Variants in AGR3 observed in about 807,000 individuals in gnomAD.
AGR3 encodes anterior gradient protein 3.
In AGR3, 37 loss-of-function variants were observed where a neutral mutation model predicts 24.5. The observed-to-expected ratio is 1.51, with a 90% confidence interval of 1.16 to 1.99. The LOEUF is 1.99. Among genes scored for constraint, AGR3 ranks in the 30% most tolerant of loss-of-function variants. AGR3 has a pLI of 0.00. For synonymous variants in AGR3, 75 were observed against 61.6 expected, an observed-to-expected ratio of 1.22 and a Z score of -1.02; for missense variants, 228 against 191.1, an observed-to-expected ratio of 1.19 and a Z score of -1.14.
downstream of AGR3, among the ~76,000 whole-genome samples, chr7:16,856,796 TACACATACACAC>T (rs1032086162): frequency 1.1e-4 from 17 of 151,366 alleles, no homozygotes; most frequent in Admixed American, 7.3e-4. Flanking sequence ...AGTAAAATTA[TACACATACACAC>T]ACACATACAC....
At chr7:16,880,174 CTT>C (rs148378416) in intron 1 of AGR3, among the ~76,000 whole-genome samples, 59 of 116,346 alleles carry the variant, frequency 5.1e-4, no homozygotes, top group Middle Eastern at 4.1e-3. Context: ...TCCTTTCTTT[CTT>C]TTTTTTTTTT....
At position 16,878,579 on chromosome 7, in the gene AGR3, C is replaced by T. The variant is rs766905573; in HGVS notation, c.40G>A (p.Val14Ile). Residue 14 changes from valine (V) to isoleucine (I), a missense_variant, in exon 2 of 8, where the codon GTC becomes ATC. Physicochemically the swap from Val to Ile is conservative, Grantham distance 29. Transcript: ENST00000310398. ...HSALGLCLLL[V>I]TVSSNLAIAI... ...ATGGCAAGGTTGGAAGAAACTGTGA[C>T]GAGTAAGAGGCAGAGACCCAAAGCT... 5.0e-6 allele frequency: 8 copies of T among 1,614,064 alleles called. 1 individual carries two copies. Among genetic ancestry groups the T allele is most frequent in the South Asian group, 2.2e-5 (2 of 91,080 alleles).
At chr7:16,862,470 A>C (rs1031608957) in intron 4 of AGR3, 140 bp downstream of exon 4, 3 of 467,932 alleles carry the variant, frequency 6.4e-6, no homozygotes, top group African/African-American at 2.0e-5. Flanking sequence ...ACCTTAGTAA[A>C]ATGATGGTAC....
downstream of AGR3, among the ~76,000 whole-genome samples, chr7:16,858,516 C>T (rs987212203): frequency 6.6e-6 from 1 of 152,024 alleles, no homozygotes; most frequent in African/African-American, 2.4e-5. Flanking sequence ...CTTCATTTTT[C>T]CTGAAGTAGT....
At chr7:16,880,174 C>CTTT (rs148378416) in intron 1 of AGR3, among the ~76,000 whole-genome samples, 2 of 116,448 alleles carry the variant, frequency 1.7e-5, no homozygotes, top group African/African-American at 3.2e-5. Flanking sequence ...TCCTTTCTTT[C>CTTT]TTTTTTTTTT....
downstream of AGR3, among the ~76,000 whole-genome samples, chr7:16,857,144 G>A (rs1781564800): frequency 6.6e-6 from 1 of 151,898 alleles, no homozygotes; most frequent in African/African-American, 2.4e-5. Context: ...ACCCAGCGAG[G>A]ATTATAGAGT....
intron 2 of AGR3, among the ~76,000 whole-genome samples, chr7:16,876,995 A>T (rs992247181): frequency 6.6e-6 from 1 of 152,030 alleles, no homozygotes; most frequent in Non-Finnish European, 1.5e-5. Context: ...AGAGAGATAG[A>T]GTTATGTTTA....
chr7:16,878,455 T>C, intron 2 of AGR3, 55 bp downstream of exon 2: 1 of 1,501,400 alleles, frequency 6.7e-7, no homozygotes, highest in Non-Finnish European at 9.2e-7. Context: ...ACACCAGATA[T>C]TTTAAAAAGC....
rs1781598291 is a variant in AGR3 at position 16,859,424 on chromosome 7, A to G, written c.*158T>C. The stretch of plus-strand genomic sequence containing the variant: ...TATATTGTCAGTCTCAGATTTAAAA[A>G]ACATTTATTTTAATAAGACTATTGC... On this transcript the variant is annotated 3_prime_UTR_variant, in exon 8 of 8. Transcript: ENST00000310398. 3 of 573,232 alleles carry G rather than the reference A, an allele frequency of 5.2e-6. No individual in the cohort carries two copies. The allele number at this position is 573,232 out of a possible 1,614,324, so 35.5% of individuals were successfully genotyped here. A position where few individuals can be genotyped will look rare whatever the true frequency, so the allele number is the denominator to read the frequency against.
downstream of AGR3, among the ~76,000 whole-genome samples, chr7:16,856,327 G>A (rs1055259545): frequency 6.6e-6 from 1 of 152,056 alleles, no homozygotes; most frequent in Non-Finnish European, 1.5e-5. Context: ...TGCTATTTTA[G>A]GAAAACAAAT....
chr7:16,867,909 A>C (rs1234302219), intron 3 of AGR3, among the ~76,000 whole-genome samples: 2 of 152,118 alleles, frequency 1.3e-5, no homozygotes, highest in Non-Finnish European at 2.9e-5. Context: ...TGGTAGTTCT[A>C]TTTTTAATTT....
In AGR3 at chr7:16,862,621, T is replaced by C; in HGVS notation, c.215A>G (p.Gln72Arg). Reference protein sequence around the residue: ...LMVIHHLEDCQYSQALKKVFA... With the variant: ...LMVIHHLEDCRYSQALKKVFA... ...GGGGCTAAAATTACCTTGAGAGTAT[T>C]GACAATCCTCCAGGTGATGAATAAC... The change falls in exon 4 of 8, where the codon CAA (glutamine) becomes CGA (arginine). Residue 72 changes from glutamine to arginine, a missense_variant. Gln to Arg is a conservative substitution (Grantham distance 43). Transcript: ENST00000310398. 1 of 1,535,126 alleles carries C rather than the reference T, an allele frequency of 6.5e-7. No individual in the cohort carries two copies. Among genetic ancestry groups the C allele is most frequent in the Non-Finnish European group, 8.7e-7 (1 of 1,147,926 alleles).
chr7:16,868,443 C>T (rs1286384184), intron 3 of AGR3, among the ~76,000 whole-genome samples: 6 of 152,200 alleles, frequency 3.9e-5, no homozygotes, highest in South Asian at 2.1e-4. Flanking sequence ...GTATGAGCCA[C>T]GGCGCCCAGC....
At chr7:16,879,422 G>T (rs375207402) in intron 1 of AGR3, among the ~76,000 whole-genome samples, 1 of 152,198 alleles carries the variant, frequency 6.6e-6, no homozygotes. Context: ...AGTTGGGCCT[G>T]ATCTGGTCAT....
chr7:16,876,551 A>G (rs565016686), intron 2 of AGR3, among the ~76,000 whole-genome samples: 2 of 152,032 alleles, frequency 1.3e-5, no homozygotes, highest in Admixed American at 6.6e-5. Flanking sequence ...GCCACTCTTT[A>G]TACTGTATCC....
At chr7:16,862,583 T>C in intron 4 of AGR3, 27 bp downstream of exon 4, 3 of 1,409,290 alleles carry the variant, frequency 2.1e-6, no homozygotes, top group Non-Finnish European at 9.5e-7. Flanking sequence ...TTATATATTA[T>C]AATAAGATAT....
intron 2 of AGR3, among the ~76,000 whole-genome samples, chr7:16,875,476 A>G (rs1488076851): frequency 2.0e-5 from 3 of 152,138 alleles, no homozygotes; most frequent in African/African-American, 7.2e-5. Context: ...ATTCCATTGT[A>G]TGAATATACC....
At chr7:16,869,687 T>G (rs1367070171) in intron 3 of AGR3, among the ~76,000 whole-genome samples, 2 of 151,502 alleles carry the variant, frequency 1.3e-5, no homozygotes, top group African/African-American at 4.8e-5. Flanking sequence ...TTTTTTTTTT[T>G]TTTTTTTGCA....
intron 2 of AGR3, among the ~76,000 whole-genome samples, chr7:16,877,322 G>A (rs9969338): frequency 0.76 from 102,228 of 134,574 alleles, 35,829 homozygotes; most frequent in Middle Eastern, 0.82. Flanking sequence ...TATATAATTT[G>A]TATGTTATAA....
Sources: gnomAD v4.1 joint callset for allele counts (sites outside exome capture counted in the v4.1 genomes callset) on GRCh38, gnomAD v4.1.1 for gene constraint, MANE v1.5 for transcripts, NCBI Gene and HGNC (gene_info 2026-07-23, HGNC 2026-07-21) for gene names.